CCSAP: variants seen among roughly 807,000 people sequenced by gnomAD.
The protein encoded by CCSAP is centriole, cilia and spindle-associated protein.
In CCSAP, 17 loss-of-function variants were observed where a neutral mutation model predicts 25.9. The ratio of observed to expected loss-of-function variants is 0.66; its 90% CI spans 0.45 to 0.99. CCSAP has a LOEUF of 0.99. CCSAP is among the 50% of genes least tolerant of loss of function. The probability of loss-of-function intolerance (pLI) is 0.00; values close to 1 mark genes in which losing one functional copy is unlikely to be tolerated. For synonymous variants in CCSAP, 169 were observed against 157.1 expected, an observed-to-expected ratio of 1.08 and a Z score of -0.57; for missense variants, 339 against 367.8, an observed-to-expected ratio of 0.92 and a Z score of 0.64.
chr1:229,325,313 C>T lies in CCSAP; in HGVS notation c.735G>A (p.Lys245=), dbSNP rs774326765. ...RQRAHSVDVE[K]NRKMKASSSE... Reference sequence around the variant, plus strand: ...AGGAGGAAGCCTTCATCTTTCTGTTCTTCTCCACATCCACAGAGTGAGCTC... The same window carrying T: ...AGGAGGAAGCCTTCATCTTTCTGTTTTTCTCCACATCCACAGAGTGAGCTC... The change falls in exon 4 of 4, where the codon AAG becomes AAA. Residue 245 remains lysine (K), a synonymous_variant. Coordinates refer to ENST00000284617, the MANE Select transcript of CCSAP (RefSeq NM_145257.5). The T allele has an allele frequency of 4.3e-6, 7 of 1,614,174 alleles. No individual in the cohort carries two copies. Among genetic ancestry groups the T allele is most frequent in the Middle Eastern group, 1.6e-4 (1 of 6,062 alleles).
chr1:229,340,284 A>G, intron 2 of CCSAP: 1 of 662,460 alleles, frequency 1.5e-6, no homozygotes, highest in Non-Finnish European at 2.8e-6. Flanking sequence ...GAGTCCTGAA[A>G]GCAGAAAACA....
intron 2 of CCSAP, among the ~76,000 whole-genome samples, chr1:229,337,678 A>AAAAAAAAATATATATAT: frequency 1.8e-4 from 12 of 65,492 alleles, no homozygotes; most frequent in South Asian, 4.0e-4. Context: ...CTCAAAAAAA[A>AAAAAAAAATATATATAT]ATATATATAT....
At chr1:229,340,056 T>G (rs2102699858) in intron 2 of CCSAP, among the ~76,000 whole-genome samples, 1 of 152,338 alleles carries the variant, frequency 6.6e-6, no homozygotes, top group East Asian at 1.9e-4. Flanking sequence ...AGGGCTGATG[T>G]GCTTTTGTAA....
In CCSAP at chr1:229,323,513, A is replaced by T. The variant is rs1324567632; in HGVS notation, c.*1722T>A. On this transcript the variant is annotated 3_prime_UTR_variant, in exon 4 of 4. Transcript: ENST00000284617. ...GCTAGCTACACCATCACAAATTGCC[A>T]CATTAAGGTGATCTTTAGGTACCTG... 1 of 152,230 alleles carries T rather than the reference A, an allele frequency of 6.6e-6. No homozygotes were observed. Among genetic ancestry groups the T allele is most frequent in the Non-Finnish European group, 1.5e-5 (1 of 68,036 alleles). 9.4% of individuals were successfully genotyped at this position (152,230 alleles called of 1,614,324 possible).
In CCSAP at chr1:229,323,542, C is replaced by A. The variant is rs538632164; in HGVS notation, c.*1693G>T. 2.0e-5 allele frequency: 3 copies of A among 152,102 alleles called. No individual in the cohort carries two copies. Among genetic ancestry groups the A allele is most frequent in the Non-Finnish European group, 4.4e-5 (3 of 68,022 alleles). 9.4% of individuals were successfully genotyped at this position (152,102 alleles called of 1,614,324 possible). On this transcript the variant is annotated 3_prime_UTR_variant, in exon 4 of 4. Coordinates refer to ENST00000284617, the MANE Select transcript of CCSAP (RefSeq NM_145257.5). ...TAAGGTGATCTTTAGGTACCTGTGT[C>A]GTTTAAAGACTTTAATAATAGTTAA... is the stretch of plus-strand genomic sequence containing the variant.
chr1:229,329,899 G>A (rs916574302), intron 2 of CCSAP, among the ~76,000 whole-genome samples: 26 of 152,188 alleles, frequency 1.7e-4, no homozygotes, highest in Admixed American at 1.3e-3. Context: ...GCTGAGGCAG[G>A]AGAATCGCTT....
At chr1:229,329,099 C>A (rs10916465) in intron 2 of CCSAP, among the ~76,000 whole-genome samples, 3 of 152,052 alleles carry the variant, frequency 2.0e-5, no homozygotes, top group African/African-American at 7.3e-5. Context: ...AGGACCAAGA[C>A]TAAAGGGAAA....
At chr1:229,327,853 G>C (rs937684247) in intron 2 of CCSAP, among the ~76,000 whole-genome samples, 32 of 131,608 alleles carry the variant, frequency 2.4e-4, no homozygotes, top group Non-Finnish European at 2.1e-4. Context: ...TGGTGACAGA[G>C]AAAGACTCCG....
chr1:229,327,133 A>G (rs919549535), intron 2 of CCSAP, 127 bp from the exon 3 acceptor site: 2 of 740,470 alleles, frequency 2.7e-6, no homozygotes, highest in Non-Finnish European at 4.2e-6. Flanking sequence ...AACTCATACG[A>G]TCCACTTAAA....
chr1:229,328,727 T>C (rs993541664), intron 2 of CCSAP, among the ~76,000 whole-genome samples: 2 of 152,220 alleles, frequency 1.3e-5, no homozygotes, highest in African/African-American at 4.8e-5. Context: ...CCCTTTAAAG[T>C]TGAGGGAACC....
At chr1:229,340,603 C>T (rs1305211509) in intron 2 of CCSAP, 1 of 541,386 alleles carries the variant, frequency 1.8e-6, no homozygotes, top group Non-Finnish European at 3.3e-6. Context: ...TCCCTACCCC[C>T]TCCACCTTCT....
chr1:229,328,800 C>T (rs982003382), intron 2 of CCSAP, among the ~76,000 whole-genome samples: 1 of 152,184 alleles, frequency 6.6e-6, no homozygotes, highest in Non-Finnish European at 1.5e-5. Flanking sequence ...GGTCATCTGC[C>T]ACGTCTGCCT....
chr1:229,336,795 C>CT (rs1442382348), intron 2 of CCSAP, among the ~76,000 whole-genome samples: 1 of 151,834 alleles, frequency 6.6e-6, no homozygotes, highest in Non-Finnish European at 1.5e-5. Flanking sequence ...CTTTTCTTTT[C>CT]TTTTTTTCTT....
At chr1:229,332,087 C>A (rs1334828742) in intron 2 of CCSAP, among the ~76,000 whole-genome samples, 1 of 152,154 alleles carries the variant, frequency 6.6e-6, no homozygotes, top group African/African-American at 2.4e-5. Context: ...AGGTGATCCA[C>A]CCGCCTCGGC....
chr1:229,327,726 A>T (rs911989651), intron 2 of CCSAP, among the ~76,000 whole-genome samples: 13 of 151,790 alleles, frequency 8.6e-5, no homozygotes, highest in Non-Finnish European at 1.6e-4. Flanking sequence ...AAAAAAAATT[A>T]GGCATGGTGG....
At chr1:229,333,431 GAAAAA>G (rs368401348) in intron 2 of CCSAP, among the ~76,000 whole-genome samples, 3 of 70,498 alleles carry the variant, frequency 4.3e-5, no homozygotes, top group East Asian at 4.2e-4. Flanking sequence ...AGACTCCATC[GAAAAA>G]AAAAAAAAAA....
intron 2 of CCSAP, among the ~76,000 whole-genome samples, chr1:229,337,670 C>CA (rs539736168): frequency 0.028 from 1,587 of 56,004 alleles, 181 homozygotes; most frequent in African/African-American, 0.11. Flanking sequence ...ATCAAAGGCT[C>CA]AAAAAAAAAT....
chr1:229,324,962 C>T lies in CCSAP; in HGVS notation c.*273G>A, dbSNP rs1657907169. 3.5e-6 allele frequency: 1 copy of T among 288,672 alleles called. No homozygotes were observed. The highest frequency in any genetic ancestry group is 6.5e-6 in the Non-Finnish European group (1 of 154,310). The allele number at this position is 288,672 out of a possible 1,614,324, so 17.9% of individuals were successfully genotyped here. A position where few individuals can be genotyped will look rare whatever the true frequency, so the allele number is the denominator to read the frequency against. Reference sequence around the variant, plus strand: ...GTCAGTATCTTAAAAGATTAAGATGCTTTAAAACAAAAACCTTATAAGAAT... The same window carrying T: ...GTCAGTATCTTAAAAGATTAAGATGTTTTAAAACAAAAACCTTATAAGAAT... On this transcript the variant is annotated 3_prime_UTR_variant, in exon 4 of 4. Transcript: ENST00000284617.
chr1:229,326,774 C>T lies in CCSAP; in HGVS notation c.600G>A (p.Lys200=). 6.2e-7 allele frequency: 1 copy of T among 1,614,232 alleles called. No individual in the cohort carries two copies. The highest frequency in any genetic ancestry group is 8.5e-7 in the Non-Finnish European group (1 of 1,180,046). ...GEKQTDTGSQ[K]THNVCASAPV... is the part of the protein sequence containing the mutation. ...GAGCGGACGCACAGACGTTGTGAGTCTTCTGGCTTCCTGTATCGGTCTGTT... is the reference window on the plus strand; with the variant it reads ...GAGCGGACGCACAGACGTTGTGAGTTTTCTGGCTTCCTGTATCGGTCTGTT... The change falls in exon 3 of 4, where the codon AAG becomes AAA. Residue 200 remains lysine, a synonymous_variant. Transcript: ENST00000284617.
Sources: allele counts gnomAD v4.1 joint callset (sites outside exome capture counted in the v4.1 genomes callset), GRCh38; gene constraint gnomAD v4.1.1; transcripts MANE v1.5; gene names NCBI Gene and HGNC (gene_info 2026-07-23, HGNC 2026-07-21).